The following DLG2 variants were observed in gnomAD, a reference collection of about 807,000 sequenced individuals.
DLG2 encodes discs large MAGUK scaffold protein 2, also known as disks large homolog 2.
A neutral mutation model predicts 132.5 loss-of-function variants in DLG2; 45 were observed. The observed-to-expected ratio is 0.34, with a 90% CI of 0.27 to 0.44. The LOEUF is 0.44. Among genes scored for constraint, DLG2 ranks in the 20% least tolerant of loss-of-function variants. DLG2 has a pLI of 1.00. For synonymous variants in DLG2, 424 were observed against 419.6 expected, an observed-to-expected ratio of 1.01 and a Z score of -0.13; for missense variants, 1,045 against 1,196.9, an observed-to-expected ratio of 0.87 and a Z score of 1.87.
chr11:85,234,281 T>C (rs1302470280), intron 4 of DLG2, among the ~76,000 whole-genome samples: 2 of 151,968 alleles, frequency 1.3e-5, no homozygotes, highest in African/African-American at 4.8e-5. Flanking sequence ...TCAGAAAATG[T>C]TAATTTTCTT....
chr11:84,709,500 T>C (rs1436447502), intron 6 of DLG2, among the ~76,000 whole-genome samples: 1 of 151,966 alleles, frequency 6.6e-6, no homozygotes, highest in Non-Finnish European at 1.5e-5. Context: ...ATTAAATATA[T>C]CTTATCTATG....
chr11:84,901,124 T>G (rs1392079048), intron 6 of DLG2, among the ~76,000 whole-genome samples: 1 of 152,068 alleles, frequency 6.6e-6, no homozygotes, highest in East Asian at 1.9e-4. Context: ...AGCGAAGACA[T>G]ACCCTCTGAC....
At chr11:84,745,962 CT>C (rs2065300233) in intron 6 of DLG2, among the ~76,000 whole-genome samples, 1 of 152,106 alleles carries the variant, frequency 6.6e-6, no homozygotes, top group Non-Finnish European at 1.5e-5. Context: ...TGGCTTGCTC[CT>C]CAAAAATTCC....
intron 4 of DLG2, among the ~76,000 whole-genome samples, chr11:85,255,116 A>C (rs2076603204): frequency 6.6e-6 from 1 of 152,158 alleles, no homozygotes; most frequent in Non-Finnish European, 1.5e-5. Context: ...TTTTTGCTCT[A>C]TAAGTCATCC....
intron 3 of DLG2, among the ~76,000 whole-genome samples, chr11:85,413,322 G>C (rs1217241062): frequency 1.3e-5 from 2 of 152,040 alleles, no homozygotes; most frequent in African/African-American, 4.8e-5. Flanking sequence ...CTGATGTATA[G>C]ATTCTGAAGA....
intron 12 of DLG2, among the ~76,000 whole-genome samples, chr11:83,969,229 G>A (rs1382451603): frequency 2.0e-5 from 3 of 152,120 alleles, no homozygotes; most frequent in Non-Finnish European, 4.4e-5. Context: ...AGATGAAAAT[G>A]AGATTATATT....
At chr11:84,893,493 T>C (rs2089740666) in intron 6 of DLG2, among the ~76,000 whole-genome samples, 1 of 152,092 alleles carries the variant, frequency 6.6e-6, no homozygotes, top group Non-Finnish European at 1.5e-5. Flanking sequence ...GAAAACGAGG[T>C]GGTTCTTAGC....
At chr11:84,543,722 T>G (rs984037128) in intron 6 of DLG2, among the ~76,000 whole-genome samples, 1 of 152,148 alleles carries the variant, frequency 6.6e-6, no homozygotes. Context: ...CAAAGAACCC[T>G]TGAAAGAGGA....
intron 11 of DLG2, among the ~76,000 whole-genome samples, chr11:83,986,600 G>T (rs866514145): frequency 1.3e-5 from 2 of 151,526 alleles, no homozygotes; most frequent in African/African-American, 2.4e-5. Flanking sequence ...GGGTCAAATG[G>T]TATTTCTAGT....
intron 9 of DLG2, among the ~76,000 whole-genome samples, chr11:84,133,746 G>A (rs2154220038): frequency 6.6e-6 from 1 of 152,090 alleles, no homozygotes; most frequent in South Asian, 2.1e-4. Flanking sequence ...CTGTTTAATA[G>A]CTGGGACTAT....
chr11:83,459,005 A>T lies in DLG2; in HGVS notation c.*813T>A, dbSNP rs747911867. 4.6e-5 allele frequency: 7 copies of T among 152,446 alleles called. No homozygotes were observed. Among genetic ancestry groups the T allele is most frequent in the Non-Finnish European group, 1.0e-4 (7 of 68,038 alleles). The allele number at this position is 152,446 out of a possible 1,614,324, so 9.4% of individuals were successfully genotyped here. A position where few individuals can be genotyped will look rare whatever the true frequency, so the allele number is the denominator to read the frequency against. The stretch of plus-strand genomic sequence containing the variant: ...AGGTCTTGAATTTGATCATCTGCTG[A>T]TGTTGCATACATTTAGTCTTTCAAT... On this transcript the variant is annotated 3_prime_UTR_variant, in exon 28 of 28. Transcript: ENST00000376104.
At chr11:84,342,055 CT>C (rs556036960) in intron 7 of DLG2, among the ~76,000 whole-genome samples, 68 of 147,462 alleles carry the variant, frequency 4.6e-4, no homozygotes, top group Non-Finnish European at 5.7e-4. Flanking sequence ...CTGGACTTTT[CT>C]TTTTTTTTTT....
At chr11:83,661,797 T>G (rs2074337981) in intron 18 of DLG2, among the ~76,000 whole-genome samples, 1 of 152,072 alleles carries the variant, frequency 6.6e-6, no homozygotes, top group African/African-American at 2.4e-5. Flanking sequence ...CACTTCCGAC[T>G]CAAGACAGAA....
intron 6 of DLG2, among the ~76,000 whole-genome samples, chr11:85,052,996 C>T (rs560417651): frequency 5.3e-5 from 8 of 152,262 alleles, no homozygotes; most frequent in Admixed American, 1.3e-4. Context: ...CACTACATTA[C>T]GCTTTTTAAA....
At chr11:84,840,812 C>T (rs543776199) in intron 6 of DLG2, among the ~76,000 whole-genome samples, 2 of 151,750 alleles carry the variant, frequency 1.3e-5, no homozygotes, top group South Asian at 2.1e-4. Flanking sequence ...GGACACAGGT[C>T]GGGGACATCA....
At position 83,624,171 on chromosome 11, in the gene DLG2, T is replaced by G. The variant is rs564946433; in HGVS notation, c.1940+9040A>C. The stretch of plus-strand genomic sequence containing the variant: ...GGTCTGTGGCTCAGAAGAGGTTTTC[T>G]GGATGAATCAATTAATGACAGGCCA... On this transcript the variant is annotated intron_variant, in intron 19 of 27. Transcript: ENST00000376104. 2.6e-5 allele frequency among the ~76,000 whole-genome samples: 4 copies of G among 152,320 alleles called. No homozygotes were observed. In the South Asian group the frequency reaches 8.3e-4, roughly 32 times the overall value.
intron 7 of DLG2, among the ~76,000 whole-genome samples, chr11:84,484,405 T>C (rs1024331351): frequency 2.6e-5 from 4 of 152,074 alleles, no homozygotes; most frequent in African/African-American, 9.7e-5. Flanking sequence ...GATAAATCCA[T>C]CTTAGAATTT....
chr11:85,266,154 G>T (rs1565237473), intron 4 of DLG2, among the ~76,000 whole-genome samples: 1 of 152,230 alleles, frequency 6.6e-6, no homozygotes, highest in Non-Finnish European at 1.5e-5. Context: ...TGAAGCCTTG[G>T]AGTCATGGGC....
intron 3 of DLG2, among the ~76,000 whole-genome samples, chr11:85,324,964 CG>C (rs2081348989): frequency 6.8e-6 from 1 of 146,360 alleles, no homozygotes; most frequent in African/African-American, 2.6e-5. Flanking sequence ...ACCTGGGAAG[CG>C]CAAGGGGTCA....
Sources: gnomAD v4.1 joint callset for allele counts (sites outside exome capture counted in the v4.1 genomes callset) on GRCh38, gnomAD v4.1.1 for gene constraint, MANE v1.5 for transcripts, NCBI Gene and HGNC (gene_info 2026-07-23, HGNC 2026-07-21) for gene names.